Variants in HS3ST5 observed in about 807,000 individuals in gnomAD.
The protein encoded by HS3ST5 is heparan sulfate glucosamine 3-O-sulfotransferase 5.
Under a neutral mutation model 25.4 loss-of-function variants are expected in HS3ST5, and 10 were observed. That is an observed-to-expected ratio of 0.39 (90% CI 0.24 to 0.67). HS3ST5 has a LOEUF of 0.67. Ranked by LOEUF, HS3ST5 falls within the 30% of genes least tolerant of loss-of-function variation. The pLI is 0.44. For synonymous variants in HS3ST5, 170 were observed against 162.4 expected (o/e 1.05, Z -0.36); for missense variants, 324 against 420.7 (o/e 0.77, Z 2.01).
chr6:114,305,947 T>G (rs1775269570), intron 1 of HS3ST5, among the ~76,000 whole-genome samples: 1 of 152,084 alleles, frequency 6.6e-6, no homozygotes, highest in Admixed American at 6.6e-5. Context: ...CTGGACTACA[T>G]AATGTTGAAC....
In HS3ST5 at chr6:114,086,426, G is replaced by A. The variant is rs188979131; in HGVS notation, c.-32-23549C>T. On this transcript the variant is annotated intron_variant, in intron 3 of 4. Transcript: ENST00000312719. ...GTGACCCCTAGTCAATAGCCAGCAAGAAAACCGGGACCTCATTCCTACAAC... is the reference window on the plus strand; with the variant it reads ...GTGACCCCTAGTCAATAGCCAGCAAAAAAACCGGGACCTCATTCCTACAAC... Among the ~76,000 whole-genome samples the A allele has an allele frequency of 4.7e-4, 71 of 152,284 alleles. No individual in the cohort carries two copies. In the East Asian group the frequency reaches 0.011, roughly 24 times the overall value.
chr6:114,330,465 C>G lies in HS3ST5; in HGVS notation c.-339+11730G>C, dbSNP rs553411128. ...ACTGTCATGTTTCCTGCTACCCACT[C>G]CAGCTAGATGAAGTGAGTGGGGGAT... On this transcript the variant is annotated intron_variant, in intron 1 of 4. Coordinates refer to ENST00000312719, the MANE Select transcript of HS3ST5 (RefSeq NM_153612.4). Among the ~76,000 whole-genome samples the G allele has an allele frequency of 2.6e-5, 4 of 152,274 alleles. No homozygotes were observed. The South Asian group carries it at 8.3e-4, about 32-fold the overall frequency.
intron 3 of HS3ST5, among the ~76,000 whole-genome samples, chr6:114,117,279 G>A (rs1029491981): frequency 6.6e-5 from 10 of 152,120 alleles, no homozygotes; most frequent in African/African-American, 2.2e-4. Context: ...TTGGCTCCAT[G>A]TGATCATGGT....
intron 2 of HS3ST5, among the ~76,000 whole-genome samples, chr6:114,193,774 TTTCCTCCACATG>T (rs151312950): frequency 0.036 from 5,498 of 152,202 alleles, 119 homozygotes; most frequent in Non-Finnish European, 0.05. Context: ...ATGAGTGAAA[TTTCCTCCACATG>T]TGTCTTCACA....
intron 2 of HS3ST5, among the ~76,000 whole-genome samples, chr6:114,200,078 G>A (rs1478737748): frequency 3.3e-5 from 5 of 152,300 alleles, no homozygotes; most frequent in East Asian, 3.9e-4. Flanking sequence ...TTAGCTGGGC[G>A]TGGTAGCACG....
At chr6:114,253,936 G>C (rs1298202577) in intron 1 of HS3ST5, among the ~76,000 whole-genome samples, 1 of 152,106 alleles carries the variant, frequency 6.6e-6, no homozygotes, top group African/African-American at 2.4e-5. Flanking sequence ...AATTGCCTTA[G>C]AGCAATTTAG....
chr6:114,190,577 G>C (rs751992354), intron 2 of HS3ST5, among the ~76,000 whole-genome samples: 6 of 152,184 alleles, frequency 3.9e-5, no homozygotes, highest in Non-Finnish European at 7.3e-5. Flanking sequence ...CCTCAGAACA[G>C]AGTGCAGTGC....
intron 2 of HS3ST5, among the ~76,000 whole-genome samples, chr6:114,180,659 T>C (rs1023590992): frequency 6.6e-6 from 1 of 152,216 alleles, no homozygotes; most frequent in African/African-American, 2.4e-5. Context: ...GCTTTTTCAC[T>C]GTGTGCTTCC....
intron 3 of HS3ST5, among the ~76,000 whole-genome samples, chr6:114,145,746 G>T (rs1216816524): frequency 1.3e-5 from 2 of 152,164 alleles, no homozygotes; most frequent in Non-Finnish European, 1.5e-5. Context: ...GGGCTCGTGT[G>T]GGGGTGCTGT....
At chr6:114,255,065 ACTT>A (rs1562254323) in intron 1 of HS3ST5, among the ~76,000 whole-genome samples, 1 of 152,192 alleles carries the variant, frequency 6.6e-6, no homozygotes, top group Non-Finnish European at 1.5e-5. Context: ...AATGCTAGTG[ACTT>A]CCACATATGA....
At chr6:114,233,894 T>G (rs2114549810) in intron 1 of HS3ST5, among the ~76,000 whole-genome samples, 1 of 152,166 alleles carries the variant, frequency 6.6e-6, no homozygotes, top group Non-Finnish European at 1.5e-5. Flanking sequence ...TTTCCCAGAG[T>G]AGCCTAAATT....
intron 2 of HS3ST5, among the ~76,000 whole-genome samples, chr6:114,201,441 C>T (rs917466380): frequency 1.3e-5 from 2 of 152,142 alleles, no homozygotes; most frequent in Non-Finnish European, 2.9e-5. Flanking sequence ...CCATTGGTCC[C>T]TCTCTTGTCC....
chr6:114,100,696 T>C (rs1220287779), intron 3 of HS3ST5, among the ~76,000 whole-genome samples: 1 of 152,182 alleles, frequency 6.6e-6, no homozygotes, highest in Non-Finnish European at 1.5e-5. Context: ...TTACAGCCAA[T>C]TGACTTTTTA....
chr6:114,330,682 C>T (rs1776357654), intron 1 of HS3ST5, among the ~76,000 whole-genome samples: 1 of 152,160 alleles, frequency 6.6e-6, no homozygotes, highest in African/African-American at 2.4e-5. Flanking sequence ...ATCAGTCTCC[C>T]TTTTTTCTAC....
At position 114,056,972 on chromosome 6, in the gene HS3ST5, GACTA is replaced by G; in HGVS notation, c.*281_*284del. The G allele has an allele frequency of 3.3e-6, 1 of 301,344 alleles. No homozygotes were observed. The highest frequency in any genetic ancestry group is 6.1e-6 in the Non-Finnish European group (1 of 164,256). 18.7% of individuals were successfully genotyped at this position (301,344 alleles called of 1,614,324 possible). A position where few individuals can be genotyped will look rare whatever the true frequency, so the allele number is the denominator to read the frequency against. ...GGTGACAAATTCTGAATCAAAGGAA[GACTA>G]ACTCTTTGAGAATAGCTGAAGTCAC... On this transcript the variant is annotated 3_prime_UTR_variant, in exon 5 of 5. Transcript: ENST00000312719.
At chr6:114,148,824 A>T (rs1443328602) in intron 3 of HS3ST5, among the ~76,000 whole-genome samples, 10 of 152,188 alleles carry the variant, frequency 6.6e-5, no homozygotes, top group Non-Finnish European at 1.3e-4. Context: ...ATGGGAGAAA[A>T]TTTTTGCAAT....
chr6:114,309,727 T>C (rs1252620299), intron 1 of HS3ST5, among the ~76,000 whole-genome samples: 1 of 152,164 alleles, frequency 6.6e-6, no homozygotes, highest in Non-Finnish European at 1.5e-5. Flanking sequence ...AGTGAGATGC[T>C]GCTTTGTCTC....
chr6:114,067,721 C>T (rs1361188602), intron 3 of HS3ST5, among the ~76,000 whole-genome samples: 2 of 152,110 alleles, frequency 1.3e-5, no homozygotes, highest in Non-Finnish European at 2.9e-5. Context: ...TATGGCAGGC[C>T]CGGTACGCAT....
At chr6:114,225,407 G>C (rs968809472) in intron 2 of HS3ST5, among the ~76,000 whole-genome samples, 7 of 151,798 alleles carry the variant, frequency 4.6e-5, no homozygotes, top group Admixed American at 3.3e-4. Context: ...AAGCAAGTTA[G>C]ACTTATCATT....
Sources: gnomAD v4.1 joint callset for allele counts (sites outside exome capture counted in the v4.1 genomes callset) on GRCh38, gnomAD v4.1.1 for gene constraint, MANE v1.5 for transcripts, NCBI Gene and HGNC (gene_info 2026-07-23, HGNC 2026-07-21) for gene names.